The following ZRANB3 variants were observed in gnomAD, a reference collection of about 807,000 sequenced individuals.
The protein encoded by ZRANB3 is zinc finger RANBP2-type containing 3.
In ZRANB3, 125 loss-of-function variants were observed where a neutral mutation model predicts 133.8. The observed-to-expected ratio is 0.93, with a 90% CI of 0.81 to 1.08. ZRANB3 has a LOEUF of 1.08. Among genes scored for constraint, ZRANB3 ranks in the 50% least tolerant of loss-of-function variants. ZRANB3 has a pLI of 0.00. For missense variants in ZRANB3, 1,229 were observed against 1,275.5 expected (o/e 0.96, Z 0.56); for synonymous variants, 387 against 432.7 (o/e 0.89, Z 1.31).
intron 17 of ZRANB3, among the ~76,000 whole-genome samples, chr2:135,216,969 G>A (rs981707059): frequency 1.6e-4 from 24 of 152,116 alleles, no homozygotes; most frequent in Non-Finnish European, 3.2e-4. Flanking sequence ...AATATCTGAC[G>A]GTCAACCTTT....
chr2:135,228,156 T>C (rs1694833604), intron 13 of ZRANB3, 141 bp from the exon 14 acceptor site: 1 of 697,132 alleles, frequency 1.4e-6, no homozygotes, highest in South Asian at 2.1e-5. Flanking sequence ...GAGCATACTA[T>C]ATACCCAGTA....
intron 12 of ZRANB3, among the ~76,000 whole-genome samples, chr2:135,237,436 A>G (rs932230521): frequency 2.6e-5 from 4 of 152,056 alleles, no homozygotes; most frequent in Non-Finnish European, 5.9e-5. Flanking sequence ...CCATCCCATT[A>G]CTGGGTATAT....
At chr2:135,372,086 T>C (rs1041974195) in intron 3 of ZRANB3, among the ~76,000 whole-genome samples, 1 of 150,150 alleles carries the variant, frequency 6.7e-6, no homozygotes, top group African/African-American at 2.5e-5. Flanking sequence ...GAGAATCACC[T>C]GAACCTGGGA....
chr2:135,289,083 A>G (rs908242421), intron 8 of ZRANB3, among the ~76,000 whole-genome samples: 3 of 151,886 alleles, frequency 2.0e-5, no homozygotes, highest in Admixed American at 6.6e-5. Flanking sequence ...CTTTCCTCTT[A>G]GCACTGTTTT....
At chr2:135,204,511 C>T (rs967262222) in intron 19 of ZRANB3, among the ~76,000 whole-genome samples, 10 of 151,284 alleles carry the variant, frequency 6.6e-5, no homozygotes, top group African/African-American at 1.9e-4. Context: ...TTGAAGGAAT[C>T]ACTTGATGTG....
chr2:135,477,030 T>G (rs2104787335), intron 2 of ZRANB3, among the ~76,000 whole-genome samples: 1 of 152,292 alleles, frequency 6.6e-6, no homozygotes, highest in South Asian at 2.1e-4. Flanking sequence ...TTCTCTATAT[T>G]TCTAATAACA....
intron 2 of ZRANB3, among the ~76,000 whole-genome samples, chr2:135,422,038 A>G (rs549622294): frequency 1.3e-5 from 2 of 151,268 alleles, no homozygotes; most frequent in South Asian, 2.1e-4. Flanking sequence ...ATTTTTATTC[A>G]TTGTCTTGGA....
At chr2:135,466,811 G>A (rs1015577090) in intron 2 of ZRANB3, among the ~76,000 whole-genome samples, 1 of 151,824 alleles carries the variant, frequency 6.6e-6, no homozygotes, top group Non-Finnish European at 1.5e-5. Flanking sequence ...CTGAGTAGCT[G>A]GGAATACAGG....
chr2:135,393,125 C>T (rs1486658301), intron 2 of ZRANB3, among the ~76,000 whole-genome samples: 1 of 152,052 alleles, frequency 6.6e-6, no homozygotes, highest in Non-Finnish European at 1.5e-5. Context: ...ACCTAGGCCT[C>T]CCAAACTGGT....
chr2:135,385,574 C>T (rs931393248), intron 3 of ZRANB3, among the ~76,000 whole-genome samples: 13 of 152,168 alleles, frequency 8.5e-5, no homozygotes, highest in African/African-American at 3.1e-4. Context: ...ATCATGCTAC[C>T]TGGCTTCAAA....
chr2:135,458,425 T>C (rs1434395532), intron 2 of ZRANB3, among the ~76,000 whole-genome samples: 2 of 152,004 alleles, frequency 1.3e-5, no homozygotes, highest in East Asian at 3.8e-4. Flanking sequence ...GGAATCTTGA[T>C]AGCTATTACA....
At chr2:135,378,491 CA>C (rs112659354) in intron 3 of ZRANB3, among the ~76,000 whole-genome samples, 29,833 of 135,594 alleles carry the variant, frequency 0.22, 6,632 homozygotes, top group African/African-American at 0.58. Context: ...GACTCCATCT[CA>C]AAAAAAAAAA....
Position 135,499,134 on chromosome 2 carries a change from T to C in ZRANB3, c.161+5195A>G, listed in dbSNP as rs189798626. Reference sequence around the variant, plus strand: ...GGGGCATCACAGAACCTGGCAACATTTGATGTCTCCCCTGGACATCCAGCT... The same window carrying C: ...GGGGCATCACAGAACCTGGCAACATCTGATGTCTCCCCTGGACATCCAGCT... On this transcript the variant is annotated intron_variant, in intron 2 of 20. Coordinates refer to ENST00000264159, the MANE Select transcript of ZRANB3 (RefSeq NM_032143.4). Among the ~76,000 whole-genome samples, 419 of 152,294 alleles carry C rather than the reference T, an allele frequency of 2.8e-3. 1 individual carries two copies. The highest frequency in any genetic ancestry group is 3.9e-3 in the Non-Finnish European group (264 of 68,030).
At chr2:135,283,237 A>G (rs960941050) in intron 8 of ZRANB3, among the ~76,000 whole-genome samples, 2 of 152,136 alleles carry the variant, frequency 1.3e-5, no homozygotes, top group African/African-American at 4.8e-5. Context: ...GTGAGCTGTG[A>G]TTGTGCCACT....
chr2:135,504,989 CTAAT>C (rs966400304), intron 1 of ZRANB3, among the ~76,000 whole-genome samples: 1 of 151,780 alleles, frequency 6.6e-6, no homozygotes, highest in African/African-American at 2.4e-5. Flanking sequence ...CAAATTTATA[CTAAT>C]TAAATTAATG....
intron 8 of ZRANB3, among the ~76,000 whole-genome samples, chr2:135,286,704 G>T (rs1321679906): frequency 2.0e-5 from 3 of 151,996 alleles, no homozygotes; most frequent in Non-Finnish European, 4.4e-5. Flanking sequence ...TTGGCCATTT[G>T]CATATCTTCT....
intron 12 of ZRANB3, among the ~76,000 whole-genome samples, chr2:135,255,589 C>T (rs896744808): frequency 3.9e-5 from 6 of 152,180 alleles, no homozygotes; most frequent in Non-Finnish European, 7.3e-5. Context: ...TGGCTAACGC[C>T]TGTAATCCCA....
intron 12 of ZRANB3, among the ~76,000 whole-genome samples, chr2:135,243,453 AG>A (rs1444705313): frequency 6.6e-6 from 1 of 152,214 alleles, no homozygotes; most frequent in Non-Finnish European, 1.5e-5. Context: ...CAGTGAGCCA[AG>A]ATCGTGCCAC....
At chr2:135,237,686 C>G (rs1287633141) in intron 12 of ZRANB3, among the ~76,000 whole-genome samples, 1 of 151,100 alleles carries the variant, frequency 6.6e-6, no homozygotes, top group Non-Finnish European at 1.5e-5. Flanking sequence ...CAAACTATCG[C>G]AAGGACAAAA....
Sources: gnomAD v4.1 joint callset for allele counts (sites outside exome capture counted in the v4.1 genomes callset) on GRCh38, gnomAD v4.1.1 for gene constraint, MANE v1.5 for transcripts, NCBI Gene and HGNC (gene_info 2026-07-23, HGNC 2026-07-21) for gene names.